The following NTM variants were observed in gnomAD, a reference collection of about 807,000 sequenced individuals.
NTM encodes IgLON family member 2.
A neutral mutation model predicts 42.1 loss-of-function variants in NTM; 13 were observed. The ratio of observed to expected loss-of-function variants is 0.31; its 90% CI spans 0.20 to 0.49. The LOEUF is 0.49. Among genes scored for constraint, NTM ranks in the 20% least tolerant of loss-of-function variants. The pLI is 0.99. For missense variants in NTM, 373 were observed against 452.8 expected (o/e 0.82, Z 1.60); for synonymous variants, 187 against 179.2 (o/e 1.04, Z -0.35).
chr11:132,232,497 C>A (rs1214912873), intron 4 of NTM, among the ~76,000 whole-genome samples: 2 of 152,182 alleles, frequency 1.3e-5, no homozygotes, highest in East Asian at 3.9e-4. Flanking sequence ...TCACACATAA[C>A]TAGAGGAGAG....
At chr11:131,711,075 G>A (rs1382552733) in intron 1 of NTM, among the ~76,000 whole-genome samples, 1 of 152,130 alleles carries the variant, frequency 6.6e-6, no homozygotes, top group African/African-American at 2.4e-5. Flanking sequence ...CATGGGCAAG[G>A]ACTTCATGTC....
At chr11:131,595,578 A>C (rs934700221) in intron 1 of NTM, among the ~76,000 whole-genome samples, 1 of 152,192 alleles carries the variant, frequency 6.6e-6, no homozygotes, top group Non-Finnish European at 1.5e-5. Context: ...AATAAATGAT[A>C]TTTAGAGAGC....
intron 3 of NTM, among the ~76,000 whole-genome samples, chr11:132,207,018 A>G (rs1291512734): frequency 6.6e-6 from 1 of 152,190 alleles, no homozygotes; most frequent in African/African-American, 2.4e-5. Context: ...ATATGTCTGC[A>G]TGTCTTTCAT....
At chr11:132,058,890 G>T (rs2080158512) in intron 2 of NTM, among the ~76,000 whole-genome samples, 1 of 152,176 alleles carries the variant, frequency 6.6e-6, no homozygotes, top group Non-Finnish European at 1.5e-5. Context: ...TATATTGAAT[G>T]AAATTAAGCC....
intron 4 of NTM, among the ~76,000 whole-genome samples, chr11:132,239,100 T>C (rs12226880): frequency 0.12 from 17,862 of 152,172 alleles, 1,800 homozygotes; most frequent in African/African-American, 0.27. Context: ...CCAGATACAA[T>C]AGACACCAGA....
intron 2 of NTM, among the ~76,000 whole-genome samples, chr11:132,114,394 T>C (rs1161217273): frequency 6.6e-6 from 1 of 152,190 alleles, no homozygotes; most frequent in East Asian, 1.9e-4. Flanking sequence ...GAGAGGGCAA[T>C]GCAGGGCACT....
At chr11:131,873,804 C>T (rs2048150792) in intron 1 of NTM, among the ~76,000 whole-genome samples, 1 of 142,110 alleles carries the variant, frequency 7.0e-6, no homozygotes. Context: ...GCTATCTCTC[C>T]CCTTGCCCCC....
chr11:131,985,355 T>C (rs1056923141), intron 2 of NTM, among the ~76,000 whole-genome samples: 2 of 152,358 alleles, frequency 1.3e-5, no homozygotes, highest in Non-Finnish European at 2.9e-5. Context: ...AACACATTTT[T>C]GATTTAATCA....
At chr11:131,687,594 G>A (rs927586930) in intron 1 of NTM, among the ~76,000 whole-genome samples, 35 of 152,318 alleles carry the variant, frequency 2.3e-4, no homozygotes, top group Non-Finnish European at 1.6e-4. Context: ...CTGCCGAGTG[G>A]GGCAGCCACA....
At chr11:131,827,221 T>C (rs180877671) in intron 1 of NTM, among the ~76,000 whole-genome samples, 7 of 152,218 alleles carry the variant, frequency 4.6e-5, no homozygotes, top group Admixed American at 1.3e-4. Context: ...AAAACTGCTA[T>C]AGAGGTAAAG....
chr11:132,094,460 G>T (rs1040290447), intron 2 of NTM, among the ~76,000 whole-genome samples: 1 of 152,008 alleles, frequency 6.6e-6, no homozygotes, highest in Non-Finnish European at 1.5e-5. Context: ...TGGCTACTCG[G>T]GTGTCTCTCT....
At chr11:132,305,229 T>C (rs572656014) in intron 4 of NTM, among the ~76,000 whole-genome samples, 1 of 152,330 alleles carries the variant, frequency 6.6e-6, no homozygotes, top group African/African-American at 2.4e-5. Context: ...ATTTGAATTA[T>C]GGAATTGAAA....
At chr11:132,107,339 C>CTATTTTTTTTTTT (rs2062515420) in intron 2 of NTM, among the ~76,000 whole-genome samples, 1 of 88,858 alleles carries the variant, frequency 1.1e-5, no homozygotes, top group African/African-American at 5.0e-5. Flanking sequence ...AAGATTTATC[C>CTATTTTTTTTTTT]TTTTTTTTTT....
chr11:131,552,368 T>A (rs978613507), intron 1 of NTM, among the ~76,000 whole-genome samples: 6 of 152,042 alleles, frequency 3.9e-5, no homozygotes, highest in African/African-American at 1.4e-4. Context: ...GCCCAGAAAT[T>A]ATACTCCTGG....
intron 1 of NTM, among the ~76,000 whole-genome samples, chr11:131,665,156 C>T (rs961214038): frequency 1.3e-5 from 2 of 152,170 alleles, no homozygotes; most frequent in Non-Finnish European, 2.9e-5. Flanking sequence ...CTGGAGACAG[C>T]GGCTTCCTCT....
chr11:131,782,524 A>G (rs1185424217), intron 1 of NTM, among the ~76,000 whole-genome samples: 1 of 152,132 alleles, frequency 6.6e-6, no homozygotes, highest in Non-Finnish European at 1.5e-5. Context: ...TTACACTTAT[A>G]TCAAAATCAA....
intron 1 of NTM, among the ~76,000 whole-genome samples, chr11:131,740,353 A>G (rs1435192456): frequency 3.9e-5 from 6 of 152,230 alleles, no homozygotes; most frequent in Non-Finnish European, 7.3e-5. Context: ...AAGGTGCACA[A>G]AATGAATACT....
At chr11:132,248,693 C>A (rs1041491126) in intron 4 of NTM, among the ~76,000 whole-genome samples, 1 of 152,208 alleles carries the variant, frequency 6.6e-6, no homozygotes, top group Non-Finnish European at 1.5e-5. Flanking sequence ...GTCCACCACG[C>A]ATCAGGTCTA....
chr11:131,932,459 G>GA (rs1462668742), intron 2 of NTM, among the ~76,000 whole-genome samples: 2 of 152,156 alleles, frequency 1.3e-5, no homozygotes, highest in Admixed American at 1.3e-4. Flanking sequence ...AACATTTGAG[G>GA]AAAAGAGATT....
Sources: gnomAD v4.1 joint callset for allele counts (sites outside exome capture counted in the v4.1 genomes callset) on GRCh38, gnomAD v4.1.1 for gene constraint, MANE v1.5 for transcripts, NCBI Gene and HGNC (gene_info 2026-07-23, HGNC 2026-07-21) for gene names.